GON4L: variants seen among roughly 807,000 people sequenced by gnomAD.
GON4L encodes the protein GON-4-like protein.
GON4L carries 87 observed loss-of-function variants against 211.8 expected under a neutral mutation model. The observed-to-expected ratio is 0.41, with a 90% CI of 0.35 to 0.49. The LOEUF is 0.49. GON4L is among the 20% of genes least tolerant of loss of function. The pLI is 0.15. For synonymous variants in GON4L, 875 were observed against 962.6 expected (o/e 0.91, Z 1.68); for missense variants, 2,155 against 2,659.5 (o/e 0.81, Z 4.17).
At position 155,790,801 on chromosome 1, in the gene GON4L, G is replaced by A. The variant is rs545294234; in HGVS notation, c.1747+4249C>T. 2.0e-5 allele frequency among the ~76,000 whole-genome samples: 3 copies of A among 151,830 alleles called. No individual in the cohort carries two copies. In the South Asian group the frequency reaches 6.2e-4, roughly 32 times the overall value. The stretch of plus-strand genomic sequence containing the variant: ...TCTACTAAAAATACAAAAATTAGCT[G>A]GGCATGGTGGCGCGTGACTATAATC... On this transcript the variant is annotated intron_variant, in intron 12 of 31. Transcript: ENST00000368331.
chr1:155,748,333 A>C, downstream of GON4L: 1 of 1,487,910 alleles, frequency 6.7e-7, no homozygotes, highest in Non-Finnish European at 9.3e-7. Context: ...TCTGGTGTTA[A>C]CATTCTGCCT....
At chr1:155,820,879 G>A (rs923962559) in intron 5 of GON4L, among the ~76,000 whole-genome samples, 5 of 152,176 alleles carry the variant, frequency 3.3e-5, no homozygotes, top group Non-Finnish European at 7.4e-5. Flanking sequence ...AGCTACTCAA[G>A]AGGCTGAACT....
intron 2 of GON4L, 103 bp downstream of exon 2, chr1:155,853,173 T>C (rs1346035800): frequency 2.8e-6 from 3 of 1,060,558 alleles, no homozygotes; most frequent in Non-Finnish European, 4.4e-6. Context: ...CCGTACCAAA[T>C]CAATATCCCC....
chr1:155,850,006 A>G (rs1671634155), intron 2 of GON4L, among the ~76,000 whole-genome samples: 1 of 150,400 alleles, frequency 6.6e-6, no homozygotes, highest in Non-Finnish European at 1.5e-5. Flanking sequence ...AAAAAAGAAT[A>G]AAAGAGAAAA....
intron 28 of GON4L, 103 bp downstream of exon 28, chr1:155,754,272 T>C (rs762932570): frequency 3.8e-6 from 3 of 785,662 alleles, no homozygotes; most frequent in Non-Finnish European, 4.7e-6. Flanking sequence ...CTGAATGTTA[T>C]TTATATATGT....
At chr1:155,832,276 T>A in intron 2 of GON4L, among the ~76,000 whole-genome samples, 2 of 46,456 alleles carry the variant, frequency 4.3e-5, no homozygotes, top group African/African-American at 8.2e-5. Flanking sequence ...CAAGACTCCG[T>A]CTCAAAAAAA....
chr1:155,804,725 T>G (rs1467032685), intron 11 of GON4L, among the ~76,000 whole-genome samples: 1 of 150,918 alleles, frequency 6.6e-6, no homozygotes, highest in Non-Finnish European at 1.5e-5. Context: ...AAGGCTGCAA[T>G]GAACCGTGAC....
intron 1 of GON4L, among the ~76,000 whole-genome samples, chr1:155,856,633 A>C (rs998811607): frequency 2.0e-5 from 3 of 149,404 alleles, no homozygotes; most frequent in African/African-American, 7.7e-5. Flanking sequence ...CAGTAACTAA[A>C]GCTCAATAAA....
chr1:155,778,746 C>T (rs1664091143), intron 14 of GON4L, among the ~76,000 whole-genome samples: 1 of 152,116 alleles, frequency 6.6e-6, no homozygotes, highest in South Asian at 2.1e-4. Flanking sequence ...TGTTGTTCCC[C>T]ACCCTGTGCC....
At chr1:155,832,799 C>T (rs1669921871) in intron 2 of GON4L, 1 of 151,966 alleles carries the variant, frequency 6.6e-6, no homozygotes, top group Admixed American at 6.6e-5. Context: ...TAAAATGTTA[C>T]TTAAAAGAAA....
At chr1:155,805,166 ACT>A in intron 10 of GON4L, 25 bp from the exon 11 acceptor site, 2 of 1,522,756 alleles carry the variant, frequency 1.3e-6, no homozygotes, top group Non-Finnish European at 1.8e-6. Context: ...AAGAAAAGTC[ACT>A]GAGTGAGTGA....
intron 12 of GON4L, among the ~76,000 whole-genome samples, chr1:155,794,269 G>A (rs985376400): frequency 6.6e-5 from 10 of 151,574 alleles, no homozygotes; most frequent in South Asian, 4.2e-4. Flanking sequence ...ACAGGGTTTC[G>A]CCATGTTGGC....
At chr1:155,755,804 T>C (rs1254285459) in intron 27 of GON4L, among the ~76,000 whole-genome samples, 8 of 152,112 alleles carry the variant, frequency 5.3e-5, no homozygotes, top group Non-Finnish European at 4.4e-5. Flanking sequence ...GAAAGCCTAC[T>C]CAGTGACACT....
At chr1:155,796,052 G>A (rs371331033) in intron 11 of GON4L, among the ~76,000 whole-genome samples, 3 of 152,214 alleles carry the variant, frequency 2.0e-5, no homozygotes. Context: ...CATTTTGGAT[G>A]AAGGGGATAC....
intron 13 of GON4L, 62 bp downstream of exon 13, chr1:155,785,272 G>T: frequency 1.9e-6 from 2 of 1,049,282 alleles, no homozygotes; most frequent in South Asian, 2.5e-5. Context: ...GAGACCAAAT[G>T]ACACATCTTG....
chr1:155,826,930 C>A lies in GON4L; in HGVS notation c.604G>T (p.Asp202Tyr), dbSNP rs1669266975. ...VSQPRKSTQP[D>Y]VCASPQEKPL... ...TTTTCTTGAGGAGAGGCACAAACAT[C>A]TGGCTGGGTTGATTTCCTGGGCTGG... is the stretch of plus-strand genomic sequence containing the variant. The change falls in exon 3 of 32, where the codon GAT becomes TAT. Residue 202 changes from aspartate (D) to tyrosine (Y), a missense_variant. Asp to Tyr is a radical substitution (Grantham distance 160). Around this residue, in one of 6 missense-constraint regions of GON4L, gnomAD observed 313 missense variants for 293.2 expected, o/e 1.07. Coordinates refer to ENST00000368331, the MANE Select transcript of GON4L (RefSeq NM_001282860.2). 1.2e-6 allele frequency: 2 copies of A among 1,613,852 alleles called. No homozygotes were observed. Among genetic ancestry groups the A allele is most frequent in the African/African-American group, 1.3e-5 (1 of 74,934 alleles).
intron 12 of GON4L, among the ~76,000 whole-genome samples, chr1:155,793,187 A>G (rs1402850309): frequency 2.0e-5 from 3 of 152,028 alleles, no homozygotes; most frequent in African/African-American, 7.2e-5. Flanking sequence ...TTCATTCTAC[A>G]TTTTCTCTAA....
intron 2 of GON4L, among the ~76,000 whole-genome samples, chr1:155,844,072 GAAGT>G (rs1671015387): frequency 6.6e-6 from 1 of 152,180 alleles, no homozygotes; most frequent in Admixed American, 6.5e-5. Flanking sequence ...AGAAAAACAA[GAAGT>G]AAAAGAGCAA....
chr1:155,790,417 GT>G (rs1195241361), intron 12 of GON4L, among the ~76,000 whole-genome samples: 1 of 151,444 alleles, frequency 6.6e-6, no homozygotes, highest in Non-Finnish European at 1.5e-5. Context: ...TAATTTTAAA[GT>G]TTTTTGTAGA....
Sources: gnomAD v4.1 joint callset for allele counts (sites outside exome capture counted in the v4.1 genomes callset) on GRCh38, gnomAD v4.1.1 for gene constraint, gnomAD v4.1.1 regional missense constraint, MANE v1.5 for transcripts, NCBI Gene and HGNC (gene_info 2026-07-23, HGNC 2026-07-21) for gene names.